NTHL1: variants seen among roughly 807,000 people sequenced by gnomAD.
NTHL1 encodes endonuclease III-like protein 1.
NTHL1 carries 32 observed loss-of-function variants against 32.3 expected under a neutral mutation model. The observed-to-expected ratio is 0.99, with a 90% CI of 0.75 to 1.33. NTHL1 has a LOEUF of 1.33. Ranked by LOEUF, NTHL1 falls within the 40% of genes most tolerant of loss-of-function variation. The pLI is 0.00. For synonymous variants in NTHL1, 188 were observed against 176.9 expected (o/e 1.06, Z -0.50); for missense variants, 501 against 414.1 (o/e 1.21, Z -1.82).
intron 4 of NTHL1, among the ~76,000 whole-genome samples, chr16:2,042,828 C>G (rs1313890457): frequency 8.3e-6 from 1 of 119,848 alleles, no homozygotes; most frequent in African/African-American, 3.2e-5. Context: ...CTCTTCTCCC[C>G]GCAGCACCTC....
Position 2,043,085 on chromosome 16 carries a change from C to G in NTHL1, c.685+482G>C, listed in dbSNP as rs2084291380. Among the ~76,000 whole-genome samples the G allele has an allele frequency of 6.7e-6, 1 of 149,194 alleles. No homozygotes were observed. Among genetic ancestry groups the G allele is most frequent in the Non-Finnish European group, 1.5e-5 (1 of 67,394 alleles). On this transcript the variant is annotated intron_variant, in intron 4 of 5. Transcript: ENST00000651570. This position sits in a 1 kb window ranked among gnomAD's most constrained non-coding sequence, Gnocchi z 4.4. ...ATTCCAGAACTTCCTGCTCCTGGCC[C>G]TCTCTCTCGCATCATGGTTTTACAG... is the stretch of plus-strand genomic sequence containing the variant.
intron 4 of NTHL1, among the ~76,000 whole-genome samples, chr16:2,040,843 G>A (rs2084258872): frequency 6.6e-6 from 1 of 152,234 alleles, no homozygotes; most frequent in African/African-American, 2.4e-5. Context: ...CTCGGCATAA[G>A]CACTGGCTCT....
Position 2,039,864 on chromosome 16 carries a change from G to A in NTHL1, c.*60C>T, listed in dbSNP as rs2084234497. 6.3e-7 allele frequency: 1 copy of A among 1,594,570 alleles called. No individual in the cohort carries two copies. The highest frequency in any genetic ancestry group is 1.3e-5 in the African/African-American group (1 of 74,962). ...TATTCAACAGGCGTGGCTTCCTGAA[G>A]CGTAAAGCCACTTCACAGACGGTGG... On this transcript the variant is annotated 3_prime_UTR_variant, in exon 6 of 6. Coordinates refer to ENST00000651570, the MANE Select transcript of NTHL1 (RefSeq NM_002528.7).
At position 2,043,161 on chromosome 16, in the gene NTHL1, C is replaced by T. The variant is rs893269894; in HGVS notation, c.685+406G>A. ...ACTTCCTCCTCTTGGCCTGGCTCAC[C>T]CCACCTTGCTCTGCAGCTCTCAGGT... On this transcript the variant is annotated intron_variant, in intron 4 of 5. Transcript: ENST00000651570. The surrounding 1 kb of genome is among the most constrained non-coding windows in gnomAD (Gnocchi z 4.4). Among the ~76,000 whole-genome samples, 9 of 151,402 alleles carry T rather than the reference C, an allele frequency of 5.9e-5. No individual in the cohort carries two copies. The highest frequency in any genetic ancestry group is 1.0e-4 in the Non-Finnish European group (7 of 67,872).
rs780886475 is a variant in NTHL1, at chr16:2,047,705, C to T, written c.115+4G>A. 1.3e-6 allele frequency: 2 copies of T among 1,575,488 alleles called. No homozygotes were observed. Among genetic ancestry groups the T allele is most frequent in the East Asian group, 2.3e-5 (1 of 42,900 alleles). On this transcript the variant is annotated splice_donor_region_variant and intron_variant, in intron 1 of 5. Transcript: ENST00000651570. ...CCCACGCTCCAGCCACGGCGCGGCG[C>T]TACCTGCTGCAGCCTCTCTTCTCCG...
In NTHL1 at chr16:2,044,917, A is replaced by C; in HGVS notation, c.355-117T>G. The stretch of plus-strand genomic sequence containing the variant: ...TGTTGCCCTGGGCCACACTTGAGGC[A>C]TCAGCCTCCCCCTGTGGGGTGGGGA... On this transcript the variant is annotated intron_variant, in intron 2 of 5. Coordinates refer to ENST00000651570, the MANE Select transcript of NTHL1 (RefSeq NM_002528.7). The surrounding 1 kb of genome is among the most constrained non-coding windows in gnomAD (Gnocchi z 5.0). 8.3e-7 allele frequency: 1 copy of C among 1,209,888 alleles called. No individual in the cohort carries two copies. The highest frequency in any genetic ancestry group is 1.1e-6 in the Non-Finnish European group (1 of 878,394). 74.9% of individuals were successfully genotyped at this position (1,209,888 alleles called of 1,614,324 possible). A position where few individuals can be genotyped will look rare whatever the true frequency, so the allele number is the denominator to read the frequency against.
rs749908882 is a variant in NTHL1 at position 2,047,708 on chromosome 16, C to T, written c.115+1G>A. On this transcript the variant is annotated splice_donor_variant, in intron 1 of 5. Coordinates refer to ENST00000651570, the MANE Select transcript of NTHL1 (RefSeq NM_002528.7). LOFTEE classifies it high-confidence loss of function. Reference sequence around the variant, plus strand: ...ACGCTCCAGCCACGGCGCGGCGCTACCTGCTGCAGCCTCTCTTCTCCGGAG... The same window carrying T: ...ACGCTCCAGCCACGGCGCGGCGCTATCTGCTGCAGCCTCTCTTCTCCGGAG... 36 of 1,577,246 alleles carry T rather than the reference C, an allele frequency of 2.3e-5. 1 individual carries two copies. The highest frequency in any genetic ancestry group is 6.9e-5 in the Admixed American group (4 of 57,812).
In NTHL1 at chr16:2,043,758, G is replaced by T; in HGVS notation, c.526-32C>A. 1 of 1,608,712 alleles carries T rather than the reference G, an allele frequency of 6.2e-7. No individual in the cohort carries two copies. ...GACAGGGGTGGGTTCAGCCTTGGAGGCAAGGGCACAGCCCAACCTGGGAGG... is the reference window on the plus strand; with the variant it reads ...GACAGGGGTGGGTTCAGCCTTGGAGTCAAGGGCACAGCCCAACCTGGGAGG... On this transcript the variant is annotated intron_variant, in intron 3 of 5. Transcript: ENST00000651570. The surrounding 1 kb of genome is among the most constrained non-coding windows in gnomAD (Gnocchi z 4.4).
Position 2,039,821 on chromosome 16 carries a change from G to A in NTHL1, c.*103C>T. 1 of 1,533,824 alleles carries A rather than the reference G, an allele frequency of 6.5e-7. No individual in the cohort carries two copies. The highest frequency in any genetic ancestry group is 8.9e-7 in the Non-Finnish European group (1 of 1,126,816). ...GACAGACATCAGCCAGATCCCATCTGCAAACACACCAAAGCTTTATTCAAC... is the reference window on the plus strand; with the variant it reads ...GACAGACATCAGCCAGATCCCATCTACAAACACACCAAAGCTTTATTCAAC... On this transcript the variant is annotated 3_prime_UTR_variant, in exon 6 of 6. Coordinates refer to ENST00000651570, the MANE Select transcript of NTHL1 (RefSeq NM_002528.7).
intron 4 of NTHL1, chr16:2,042,125 A>C: frequency 2.2e-6 from 1 of 455,530 alleles, no homozygotes; most frequent in Non-Finnish European, 4.4e-6. Flanking sequence ...GTCTCCTTGC[A>C]GGTGGTCAGG....
Position 2,044,031 on chromosome 16 carries a change from G to A in NTHL1, c.526-305C>T, listed in dbSNP as rs1299152867. ...GGCCAAGCAGGCCAGCCGCTCCCAG[G>A]AGTGGGGCTTGGCTGCACCTGCGCC... is the stretch of plus-strand genomic sequence containing the variant. On this transcript the variant is annotated intron_variant, in intron 3 of 5. Transcript: ENST00000651570. This position sits in a 1 kb window ranked among gnomAD's most constrained non-coding sequence, Gnocchi z 5.0. 3 of 463,668 alleles carry A rather than the reference G, an allele frequency of 6.5e-6. No homozygotes were observed. The East Asian group carries it at 1.2e-4, about 19-fold the overall frequency. 28.7% of individuals were successfully genotyped at this position (463,668 alleles called of 1,614,324 possible).
At position 2,043,705 on chromosome 16, in the gene NTHL1, G is replaced by T. The variant is rs1385660445; in HGVS notation, c.547C>A (p.Gln183Lys). The T allele has an allele frequency of 6.2e-7, 1 of 1,612,050 alleles. No homozygotes were observed. Among genetic ancestry groups the T allele is most frequent in the Non-Finnish European group, 8.5e-7 (1 of 1,179,972 alleles). ...TGCTGCTGCAGGATGGCGCTGGTCTGCTTGATGTATTTCACCTTGCTCTGA... is the reference window on the plus strand; with the variant it reads ...TGCTGCTGCAGGATGGCGCTGGTCTTCTTGATGTATTTCACCTTGCTCTGA... ...FWRSKVKYIK[Q>K]TSAILQQHYG... The change falls in exon 4 of 6, where the codon CAG (glutamine) becomes AAG (lysine). Residue 183 changes from glutamine (Q) to lysine (K), a missense_variant. By Grantham distance (53) the Gln-to-Lys change is moderately conservative. Coordinates refer to ENST00000651570, the MANE Select transcript of NTHL1 (RefSeq NM_002528.7). The surrounding 1 kb of genome is among the most constrained non-coding windows in gnomAD (Gnocchi z 4.4).
In NTHL1 at chr16:2,043,586, C is replaced by T. The variant is rs765168342; in HGVS notation, c.666G>A (p.Trp222Ter). 3.1e-6 allele frequency: 5 copies of T among 1,608,486 alleles called. No individual in the cohort carries two copies. In the South Asian group the frequency reaches 5.5e-5, roughly 18 times the overall value. The change falls in exon 4 of 6, where the codon TGG (tryptophan) becomes TGA (stop). Residue 222 changes from tryptophan to a stop codon, truncating the protein, a stop_gained. Transcript: ENST00000651570. LOFTEE classifies it high-confidence loss of function. The surrounding 1 kb of genome is among the most constrained non-coding windows in gnomAD (Gnocchi z 4.4). ...KMAHLAMAVAWGTVSGIAVDT... is the reference protein window; with the variant it reads ...KMAHLAMAVA The stretch of plus-strand genomic sequence containing the variant: ...ACTCACCAATGCCTGACACAGTGCC[C>T]CAGGCCACAGCCATAGCCAGGTGTG...
At chr16:2,047,522 C>CT in intron 1 of NTHL1, 187 bp downstream of exon 1, 1 of 1,031,906 alleles carries the variant, frequency 9.7e-7, no homozygotes, top group Non-Finnish European at 1.4e-6. Context: ...AACCCAGCCC[C>CT]TGCGGACCGC....
At position 2,039,860 on chromosome 16, in the gene NTHL1, T is replaced by C. The variant is rs1290878952; in HGVS notation, c.*64A>G. The C allele has an allele frequency of 2.5e-6, 4 of 1,593,048 alleles. No individual in the cohort carries two copies. The African/African-American group carries it at 4.0e-5, about 16-fold the overall frequency. On this transcript the variant is annotated 3_prime_UTR_variant, in exon 6 of 6. Coordinates refer to ENST00000651570, the MANE Select transcript of NTHL1 (RefSeq NM_002528.7). Reference sequence around the variant, plus strand: ...GCTTTATTCAACAGGCGTGGCTTCCTGAAGCGTAAAGCCACTTCACAGACG... The same window carrying C: ...GCTTTATTCAACAGGCGTGGCTTCCCGAAGCGTAAAGCCACTTCACAGACG...
rs777263711 is a variant in NTHL1, at chr16:2,046,132, G to T, written c.350C>A (p.Pro117Gln). 5.6e-6 allele frequency: 9 copies of T among 1,611,088 alleles called. No individual in the cohort carries two copies. Among genetic ancestry groups the T allele is most frequent in the East Asian group, 2.2e-5 (1 of 44,860 alleles). The change falls in exon 2 of 6, where the codon CCA (proline) becomes CAA (glutamine). Residue 117 changes from proline to glutamine, a missense_variant. Coordinates refer to ENST00000651570, the MANE Select transcript of NTHL1 (RefSeq NM_002528.7). Reference sequence around the variant, plus strand: ...GCAGATGGGGCCCCTGCCTACCTTTGGGGGGGCACTGGAGTCATAGCAGTG... The same window carrying T: ...GCAGATGGGGCCCCTGCCTACCTTTTGGGGGGCACTGGAGTCATAGCAGTG... The part of the protein sequence containing the change: ...TEHCYDSSAP[P>Q]KVRRYQVLLS...
rs927975974 is a variant in NTHL1, at chr16:2,044,564, C to A, written c.525+66G>T. Reference sequence around the variant, plus strand: ...CACTTCCTGCACCGTCGCCACCCCCCTCAGCCTTCTGAGGTCTCTCTCAGG... The same window carrying A: ...CACTTCCTGCACCGTCGCCACCCCCATCAGCCTTCTGAGGTCTCTCTCAGG... On this transcript the variant is annotated intron_variant, in intron 3 of 5. Coordinates refer to ENST00000651570, the MANE Select transcript of NTHL1 (RefSeq NM_002528.7). This position sits in a 1 kb window ranked among gnomAD's most constrained non-coding sequence, Gnocchi z 5.0. 1.3e-6 allele frequency: 2 copies of A among 1,590,548 alleles called. No individual in the cohort carries two copies. Among genetic ancestry groups the A allele is most frequent in the African/African-American group, 2.7e-5 (2 of 74,764 alleles).
intron 2 of NTHL1, among the ~76,000 whole-genome samples, chr16:2,045,825 GCTT>G (rs2150943438): frequency 6.6e-6 from 1 of 152,328 alleles, no homozygotes; most frequent in African/African-American, 2.4e-5. Context: ...TTAGAACTCA[GCTT>G]GGTCTAAGGG....
In NTHL1 at chr16:2,043,591, C is replaced by A. The variant is rs1596219280; in HGVS notation, c.661G>T (p.Ala221Ser). ...PKMAHLAMAVAWGTVSGIAVD... is the reference protein window; with the variant it reads ...PKMAHLAMAVSWGTVSGIAVD... ...CCAATGCCTGACACAGTGCCCCAGG[C>A]CACAGCCATAGCCAGGTGTGCCATC... Residue 221 changes from alanine (A) to serine (S), a missense_variant, in exon 4 of 6, where the codon GCC becomes TCC. Transcript: ENST00000651570. This position sits in a 1 kb window ranked among gnomAD's most constrained non-coding sequence, Gnocchi z 4.4. The A allele has an allele frequency of 6.2e-7, 1 of 1,608,956 alleles. No individual in the cohort carries two copies. The highest frequency in any genetic ancestry group is 8.5e-7 in the Non-Finnish European group (1 of 1,179,962).
Sources: allele counts gnomAD v4.1 joint callset (sites outside exome capture counted in the v4.1 genomes callset), GRCh38; gene constraint gnomAD v4.1.1; non-coding constraint Gnocchi (gnomAD v3.1); transcripts MANE v1.5; gene names NCBI Gene and HGNC (gene_info 2026-07-23, HGNC 2026-07-21).